Variants in KCNK17 observed in about 807,000 individuals in gnomAD.
KCNK17 encodes the protein potassium channel subfamily K member 17.
KCNK17 carries 27 observed loss-of-function variants against 24.6 expected under a neutral mutation model. The observed-to-expected ratio is 1.10, with a 90% CI of 0.81 to 1.51. The LOEUF is 1.51. KCNK17 is among the 40% of genes most tolerant of loss of function. The pLI is 0.00. For missense variants in KCNK17, 450 were observed against 436.6 expected (o/e 1.03, Z -0.27); for synonymous variants, 181 against 189.8 (o/e 0.95, Z 0.38).
chr6:39,306,323 C>T (rs544618546), intron 2 of KCNK17, among the ~76,000 whole-genome samples: 6 of 152,298 alleles, frequency 3.9e-5, no homozygotes, highest in African/African-American at 1.4e-4. Flanking sequence ...GGATTACAGG[C>T]GTGAGCCACC....
In KCNK17 at chr6:39,299,035, C is replaced by T. The variant is rs865851628; in HGVS notation, c.*392G>A. 4 of 194,526 alleles carry T rather than the reference C, an allele frequency of 2.1e-5. No homozygotes were observed. The highest frequency in any genetic ancestry group is 5.3e-5 in the Admixed American group (1 of 18,922). 12.0% of individuals were successfully genotyped at this position (194,526 alleles called of 1,614,324 possible). ...ACATAAGATGTTTATTTCTCTCTCA[C>T]ATAAAGGAGGTCGGGTGATATTCCG... is the stretch of plus-strand genomic sequence containing the variant. On this transcript the variant is annotated 3_prime_UTR_variant, in exon 5 of 5. Coordinates refer to ENST00000373231, the MANE Select transcript of KCNK17 (RefSeq NM_031460.4).
At chr6:39,309,151 C>G (rs1010343947) in intron 2 of KCNK17, among the ~76,000 whole-genome samples, 1 of 152,188 alleles carries the variant, frequency 6.6e-6, no homozygotes, top group African/African-American at 2.4e-5. Context: ...CATGGTAAAA[C>G]CTGTCTCTAC....
chr6:39,304,959 A>G (rs1762010793), intron 2 of KCNK17, among the ~76,000 whole-genome samples: 1 of 152,200 alleles, frequency 6.6e-6, no homozygotes, highest in Non-Finnish European at 1.5e-5. Flanking sequence ...ACCAAATGTG[A>G]GTCTCCTCTT....
At chr6:39,311,764 T>A (rs1389666836) in intron 1 of KCNK17, among the ~76,000 whole-genome samples, 1 of 152,152 alleles carries the variant, frequency 6.6e-6, no homozygotes, top group East Asian at 1.9e-4. Context: ...TAGCTGGGCC[T>A]TTGAGGGTCA....
chr6:39,307,067 GCTTCCTTC>G (rs373762475), intron 2 of KCNK17, among the ~76,000 whole-genome samples: 1 of 151,916 alleles, frequency 6.6e-6, no homozygotes, highest in African/African-American at 2.4e-5. Context: ...CAGCTTGCTT[GCTTCCTTC>G]CTTCCTTCCT....
At chr6:39,308,542 C>T (rs796074554) in intron 2 of KCNK17, among the ~76,000 whole-genome samples, 20 of 152,318 alleles carry the variant, frequency 1.3e-4, no homozygotes, top group African/African-American at 2.6e-4. Context: ...CCACCTGCCT[C>T]GGCCTCCCAA....
At chr6:39,307,625 G>GT (rs796382228) in intron 2 of KCNK17, among the ~76,000 whole-genome samples, 1 of 152,128 alleles carries the variant, frequency 6.6e-6, no homozygotes, top group East Asian at 1.9e-4. Context: ...CATTAAATGG[G>GT]TTTTTTTCCT....
chr6:39,299,213 G>C lies in KCNK17; in HGVS notation c.*214C>G, dbSNP rs9471052. On this transcript the variant is annotated 3_prime_UTR_variant, in exon 5 of 5. Transcript: ENST00000373231. Reference sequence around the variant, plus strand: ...TTGCAGCCCGCTAAAGTAAGGAAGTGGGGGAGAAGGGCATGCTGCCCCGAC... The same window carrying C: ...TTGCAGCCCGCTAAAGTAAGGAAGTCGGGGAGAAGGGCATGCTGCCCCGAC... 0.015 allele frequency: 8,083 copies of C among 555,328 alleles called. 122 individuals are homozygous for C. The highest frequency in any genetic ancestry group is 0.05 in the Admixed American group (1,484 of 29,484). The allele number at this position is 555,328 out of a possible 1,614,324, so 34.4% of individuals were successfully genotyped here.
At position 39,299,604 on chromosome 6, in the gene KCNK17, A is replaced by G. The variant is rs1298600353; in HGVS notation, c.822T>C (p.Cys274=). Residue 274 remains cysteine, a synonymous_variant, in exon 5 of 5, where the codon TGT becomes TGC. Transcript: ENST00000373231. ...CCTTAGAGCTGTGGTGGCAGCAGGAACATACCCTCCCTGGCGTCTCCAGCT... is the reference window on the plus strand; with the variant it reads ...CCTTAGAGCTGTGGTGGCAGCAGGAGCATACCCTCCCTGGCGTCTCCAGCT... ...LSQLETPGRV[C]SCCHHSSKED... is the part of the protein sequence containing the mutation. 1 of 1,614,034 alleles carries G rather than the reference A, an allele frequency of 6.2e-7. No homozygotes were observed. The highest frequency in any genetic ancestry group is 1.7e-5 in the Admixed American group (1 of 60,004).
chr6:39,305,115 G>A (rs57989510), intron 2 of KCNK17, among the ~76,000 whole-genome samples: 2 of 152,224 alleles, frequency 1.3e-5, no homozygotes, highest in Non-Finnish European at 2.9e-5. Context: ...CTTGGGCACA[G>A]TGGGGCACTG....
chr6:39,311,883 TTGAGGCCAAGC>T (rs1003987916), intron 1 of KCNK17, among the ~76,000 whole-genome samples: 1 of 152,090 alleles, frequency 6.6e-6, no homozygotes, highest in Non-Finnish European at 1.5e-5. Flanking sequence ...TAAGAAGTGA[TTGAGGCCAAGC>T]TGTGCTTGGC....
intron 1 of KCNK17, 65 bp from the exon 2 acceptor site, chr6:39,311,072 GCACACACA>G (rs59086835): frequency 0.088 from 45,038 of 509,808 alleles, 615 homozygotes; most frequent in Middle Eastern, 0.12. Flanking sequence ...ACCCCAAGAT[GCACACACA>G]CACACACACA....
intron 4 of KCNK17, among the ~76,000 whole-genome samples, chr6:39,301,135 G>A (rs1432451826): frequency 6.6e-6 from 1 of 152,226 alleles, no homozygotes; most frequent in Non-Finnish European, 1.5e-5. Context: ...TGCTGGGTAA[G>A]TATAGCTGAG....
Position 39,310,952 on chromosome 6 carries a change from A to T in KCNK17, c.293T>A (p.Met98Lys). The change falls in exon 2 of 5, where the codon ATG (methionine) becomes AAG (lysine). Residue 98 changes from methionine to lysine, a missense_variant. Met to Lys is a moderately conservative substitution (Grantham distance 95). Transcript: ENST00000373231. ...GASLLSNTTS[M>K]GRWELVGSFF... Reference sequence around the variant, plus strand: ...GGAGCCCACGAGCTCCCAGCGCCCCATGCTGGTGGTGTTGCTGAGGAGGCT... The same window carrying T: ...GGAGCCCACGAGCTCCCAGCGCCCCTTGCTGGTGGTGTTGCTGAGGAGGCT... 6.3e-7 allele frequency: 1 copy of T among 1,574,842 alleles called. No individual in the cohort carries two copies. The highest frequency in any genetic ancestry group is 8.7e-7 in the Non-Finnish European group (1 of 1,155,762).
chr6:39,300,612 A>G, intron 4 of KCNK17: 1 of 1,342,016 alleles, frequency 7.5e-7, no homozygotes, highest in South Asian at 1.3e-5. Context: ...AACCTCCTTC[A>G]CCTGTGAGAT....
intron 4 of KCNK17, among the ~76,000 whole-genome samples, chr6:39,303,710 T>C (rs574205748): frequency 1.2e-4 from 19 of 152,166 alleles, no homozygotes; most frequent in Non-Finnish European, 2.5e-4. Context: ...ACTCCCGTCA[T>C]GTGGAGAGCT....
chr6:39,311,458 T>C (rs1356711541), intron 1 of KCNK17, among the ~76,000 whole-genome samples: 1 of 152,168 alleles, frequency 6.6e-6, no homozygotes, highest in Non-Finnish European at 1.5e-5. Flanking sequence ...GCAGTCAATG[T>C]CACTTTGGGC....
intron 4 of KCNK17, among the ~76,000 whole-genome samples, chr6:39,302,949 A>G (rs1761969877): frequency 2.0e-5 from 3 of 152,180 alleles, no homozygotes. Flanking sequence ...AGGCAGGAAC[A>G]CTGAGGCCCA....
intron 2 of KCNK17, among the ~76,000 whole-genome samples, chr6:39,310,584 T>G (rs975718661): frequency 1.3e-5 from 2 of 152,216 alleles, no homozygotes; most frequent in East Asian, 3.9e-4. Context: ...GAGACATGTT[T>G]CTTGCTGTAC....
Sources: allele counts gnomAD v4.1 joint callset (sites outside exome capture counted in the v4.1 genomes callset), GRCh38; gene constraint gnomAD v4.1.1; transcripts MANE v1.5; gene names NCBI Gene and HGNC (gene_info 2026-07-23, HGNC 2026-07-21).